The following COP1 variants were observed in gnomAD, a reference collection of about 807,000 sequenced individuals.
COP1 encodes the protein COP1 E3 ubiquitin ligase, also known as E3 ubiquitin-protein ligase COP1.
In COP1, 24 loss-of-function variants were observed where a neutral mutation model predicts 101.3. That is an observed-to-expected ratio of 0.24 (90% confidence interval 0.17 to 0.33). The LOEUF (loss-of-function observed/expected upper bound fraction) is 0.33, where lower values mean the gene tolerates loss of function less well. Ranked by LOEUF, COP1 falls within the 10% of genes least tolerant of loss-of-function variation. COP1 has a pLI of 1.00. For synonymous variants in COP1, 347 were observed against 341.9 expected (o/e 1.01, Z -0.17); for missense variants, 663 against 906.2 (o/e 0.73, Z 3.45).
intron 9 of COP1, among the ~76,000 whole-genome samples, chr1:176,097,573 T>A (rs185177506): frequency 6.6e-6 from 1 of 152,062 alleles, no homozygotes; most frequent in Non-Finnish European, 1.5e-5. Context: ...TTTATAGAGC[T>A]TTTTTTATAG....
intron 8 of COP1, 95 bp downstream of exon 8, chr1:176,134,915 T>A: frequency 1.2e-6 from 1 of 835,098 alleles, no homozygotes. Flanking sequence ...TTCTCAGGGG[T>A]TTCATACACT....
At chr1:175,993,442 C>T (rs1446779204) in intron 15 of COP1, among the ~76,000 whole-genome samples, 2 of 152,152 alleles carry the variant, frequency 1.3e-5, no homozygotes, top group African/African-American at 4.8e-5. Context: ...GATCAAACTA[C>T]TCTGAGCTAC....
At chr1:176,197,401 G>A (rs1699814643) in intron 1 of COP1, among the ~76,000 whole-genome samples, 1 of 152,110 alleles carries the variant, frequency 6.6e-6, no homozygotes, top group Non-Finnish European at 1.5e-5. Context: ...GGGCGAGACA[G>A]CAAGACCACC....
chr1:176,070,396 C>T (rs962929272), intron 11 of COP1, among the ~76,000 whole-genome samples: 2 of 149,712 alleles, frequency 1.3e-5, no homozygotes, highest in African/African-American at 2.5e-5. Context: ...GGCACGGTGG[C>T]TAACACCTGT....
intron 9 of COP1, among the ~76,000 whole-genome samples, chr1:176,099,340 T>C (rs572542671): frequency 6.6e-6 from 1 of 152,336 alleles, no homozygotes; most frequent in South Asian, 2.1e-4. Context: ...GTTAACTAAA[T>C]GAACTGAACT....
chr1:176,190,742 T>A (rs1386096078), intron 1 of COP1, among the ~76,000 whole-genome samples: 1 of 152,022 alleles, frequency 6.6e-6, no homozygotes, highest in African/African-American at 2.4e-5. Context: ...GTGAATTTAA[T>A]AAGTACTTAC....
At chr1:176,170,208 C>T (rs944067868) in intron 3 of COP1, among the ~76,000 whole-genome samples, 2 of 152,184 alleles carry the variant, frequency 1.3e-5, no homozygotes, top group Non-Finnish European at 2.9e-5. Context: ...TCAACTTCCA[C>T]CAAACTCCTT....
chr1:175,961,153 T>C lies in COP1; in HGVS notation c.2134-13914A>G, dbSNP rs149547586. ...TTAGCCTAAGATTCTGCCATGCTAC[T>C]GGCCTCCCTGGCATATCATGGTATG... On this transcript the variant is annotated intron_variant, in intron 18 of 19. Coordinates refer to ENST00000367669, the MANE Select transcript of COP1 (RefSeq NM_022457.7). Among the ~76,000 whole-genome samples, 399 of 152,338 alleles carry C rather than the reference T, an allele frequency of 2.6e-3. 3 individuals carry two copies. The highest frequency in any genetic ancestry group is 9.2e-3 in the African/African-American group (381 of 41,582).
intron 6 of COP1, among the ~76,000 whole-genome samples, chr1:176,142,429 G>T (rs1690846071): frequency 6.6e-6 from 1 of 152,044 alleles, no homozygotes; most frequent in Non-Finnish European, 1.5e-5. Context: ...TGGCAGAGTA[G>T]ATTTACAAAG....
intron 15 of COP1, among the ~76,000 whole-genome samples, chr1:175,993,913 G>A (rs1659381296): frequency 6.6e-6 from 1 of 152,194 alleles, no homozygotes; most frequent in African/African-American, 2.4e-5. Context: ...GATACTCCTC[G>A]AGAAGAGCAA....
At position 176,046,215 on chromosome 1, in the gene COP1, G is replaced by A; in HGVS notation, c.1387C>T (p.Pro463Ser). The change falls in exon 12 of 20, where the codon CCT (proline) becomes TCT (serine). Residue 463 changes from proline (P) to serine (S), a missense_variant. By Grantham distance (74) the Pro-to-Ser change is moderately conservative. Transcript: ENST00000367669. The stretch of plus-strand genomic sequence containing the variant: ...GAATTGCAGGTCATTTCATTCTCAG[G>A]GTAATGAATATCCACTGCATCCTGG... ...VIQDAVDIHY[P>S]ENEMTCNSKI... 6.2e-7 allele frequency: 1 copy of A among 1,604,956 alleles called. No homozygotes were observed. The highest frequency in any genetic ancestry group is 8.5e-7 in the Non-Finnish European group (1 of 1,177,400).
chr1:176,124,014 C>T (rs943891677), intron 8 of COP1, among the ~76,000 whole-genome samples: 5 of 152,190 alleles, frequency 3.3e-5, no homozygotes, highest in Non-Finnish European at 5.9e-5. Flanking sequence ...GGTTGACACT[C>T]ATGAACACTG....
intron 18 of COP1, among the ~76,000 whole-genome samples, chr1:175,959,716 C>T (rs770313014): frequency 6.6e-6 from 1 of 152,084 alleles, no homozygotes; most frequent in African/African-American, 2.4e-5. Context: ...AGATAATATA[C>T]ACATGTGGTA....
chr1:175,968,265 C>T (rs1167871256), intron 18 of COP1: 1 of 251,494 alleles, frequency 4.0e-6, no homozygotes, highest in Non-Finnish European at 8.2e-6. Context: ...TAAGATACCT[C>T]AAAAACCAGT....
At chr1:176,110,054 G>A (rs1685011597) in intron 9 of COP1, among the ~76,000 whole-genome samples, 1 of 152,108 alleles carries the variant, frequency 6.6e-6, no homozygotes. Context: ...ACTCAGAGGA[G>A]TCTTCATTTA....
rs140550751 is a variant in COP1, at chr1:176,065,042, T to C, written c.1277+16110A>G. Reference sequence around the variant, plus strand: ...GACACAAACCATATAACTAAGATTATAGAAGTTGTACGTAAGTCAATAGCC... The same window carrying C: ...GACACAAACCATATAACTAAGATTACAGAAGTTGTACGTAAGTCAATAGCC... On this transcript the variant is annotated intron_variant, in intron 11 of 19. Coordinates refer to ENST00000367669, the MANE Select transcript of COP1 (RefSeq NM_022457.7). Among the ~76,000 whole-genome samples the C allele has an allele frequency of 2.7e-3, 405 of 152,326 alleles. 3 individuals carry two copies. Among genetic ancestry groups the C allele is most frequent in the African/African-American group, 9.2e-3 (383 of 41,560 alleles).
At chr1:176,119,029 A>G (rs1686670010) in intron 8 of COP1, among the ~76,000 whole-genome samples, 1 of 152,220 alleles carries the variant, frequency 6.6e-6, no homozygotes, top group South Asian at 2.1e-4. Flanking sequence ...ACTCAATTAT[A>G]AAAGAGCCTT....
intron 15 of COP1, among the ~76,000 whole-genome samples, chr1:176,001,799 T>C (rs947395387): frequency 4.6e-5 from 7 of 152,142 alleles, no homozygotes; most frequent in Admixed American, 1.3e-4. Flanking sequence ...GACAAAGAAC[T>C]CACTCGGTTT....
intron 18 of COP1, among the ~76,000 whole-genome samples, chr1:175,955,773 C>CACACACACAA (rs1650562398): frequency 2.0e-5 from 3 of 149,184 alleles, no homozygotes; most frequent in African/African-American, 7.3e-5. Context: ...AAACCACACA[C>CACACACACAA]ACACACACAC....
Sources: gnomAD v4.1 joint callset for allele counts (sites outside exome capture counted in the v4.1 genomes callset) on GRCh38, gnomAD v4.1.1 for gene constraint, MANE v1.5 for transcripts, NCBI Gene and HGNC (gene_info 2026-07-23, HGNC 2026-07-21) for gene names.